Variants in PHLDB2 observed in about 807,000 individuals in gnomAD.
PHLDB2 encodes the protein pleckstrin homology-like domain family B member 2.
In PHLDB2, 71 loss-of-function variants were observed where a neutral mutation model predicts 123.6. The observed-to-expected ratio is 0.57, with a 90% CI of 0.47 to 0.70. The LOEUF is 0.70. Ranked by LOEUF, PHLDB2 falls within the 30% of genes least tolerant of loss-of-function variation. PHLDB2 has a pLI of 0.00. For missense variants in PHLDB2, 1,446 were observed against 1,519.5 expected, an observed-to-expected ratio of 0.95 and a Z score of 0.80; for synonymous variants, 547 against 541.6, an observed-to-expected ratio of 1.01 and a Z score of -0.14.
intron 1 of PHLDB2, among the ~76,000 whole-genome samples, chr3:111,758,511 C>G (rs961046108): frequency 6.6e-6 from 1 of 152,182 alleles, no homozygotes; most frequent in African/African-American, 2.4e-5. Flanking sequence ...ATCTGTCACC[C>G]CTTTCTTTGA....
chr3:111,797,435 A>G (rs1276584739), intron 1 of PHLDB2, among the ~76,000 whole-genome samples: 1 of 152,256 alleles, frequency 6.6e-6, no homozygotes, highest in Admixed American at 6.5e-5. Flanking sequence ...CAGACACTGA[A>G]TAACTAGAGG....
chr3:111,902,075 A>G (rs546761456), intron 2 of PHLDB2, among the ~76,000 whole-genome samples: 2 of 152,272 alleles, frequency 1.3e-5, no homozygotes, highest in East Asian at 1.9e-4. Flanking sequence ...TAACCCACCC[A>G]TCTGCTGGTT....
Position 111,884,698 on chromosome 3 carries a change from A to T in PHLDB2, c.621A>T (p.Gln207His), listed in dbSNP as rs1438032087. 6.2e-7 allele frequency: 1 copy of T among 1,614,054 alleles called. No individual in the cohort carries two copies. The highest frequency in any genetic ancestry group is 8.5e-7 in the Non-Finnish European group (1 of 1,180,042). ...GAASMPSSPK[Q>H]ARKMSIQDSL... ...CAAGCATGCCTTCAAGCCCAAAGCA[A>T]GCCAGGAAAATGAGCATTCAGGACA... Residue 207 changes from glutamine (Q) to histidine (H), a missense_variant, in exon 2 of 18, where the codon CAA (glutamine) becomes CAT (histidine). Around this residue, in one of 3 missense-constraint regions of PHLDB2, gnomAD observed 832 missense variants for 831.9 expected, o/e 1.00. Transcript: ENST00000431670.
rs751505308 is a variant in PHLDB2 at position 111,885,342 on chromosome 3, G to A, written c.1265G>A (p.Arg422His). Residue 422 changes from arginine to histidine, a missense_variant, in exon 2 of 18, where the codon CGT (arginine) becomes CAT (histidine). Arg to His is a conservative substitution (Grantham distance 29). Coordinates refer to ENST00000431670, the MANE Select transcript of PHLDB2 (RefSeq NM_001134438.2). ...AGCAGTATTAGCTCCATTTCAGGAC[G>A]TGATGACCTGATGGATTATCACCGG... is the stretch of plus-strand genomic sequence containing the variant. ...RKSSISSISGRDDLMDYHRRQ... is the reference protein window; with the variant it reads ...RKSSISSISGHDDLMDYHRRQ... 1.9e-5 allele frequency: 31 copies of A among 1,614,030 alleles called. No homozygotes were observed. Among genetic ancestry groups the A allele is most frequent in the Non-Finnish European group, 2.5e-5 (29 of 1,180,042 alleles).
intron 2 of PHLDB2, among the ~76,000 whole-genome samples, chr3:111,899,619 A>G (rs965615568): frequency 6.6e-6 from 1 of 152,170 alleles, no homozygotes; most frequent in African/African-American, 2.4e-5. Flanking sequence ...TATTTTTGGA[A>G]TGGTCAATGA....
At chr3:111,917,649 A>G (rs6438021) in intron 3 of PHLDB2, 53,625 of 152,118 alleles carry the variant, frequency 0.35, 10,089 homozygotes, top group East Asian at 0.7. Context: ...GACAATTAAA[A>G]AGCTAAATGT....
intron 2 of PHLDB2, among the ~76,000 whole-genome samples, chr3:111,912,379 CAAAT>C (rs1261610426): frequency 6.6e-6 from 1 of 152,038 alleles, no homozygotes; most frequent in Admixed American, 6.6e-5. Context: ...TGATTTTTAA[CAAAT>C]AAATTTTATT....
At chr3:111,835,835 T>G (rs769699021) in intron 1 of PHLDB2, among the ~76,000 whole-genome samples, 9 of 152,180 alleles carry the variant, frequency 5.9e-5, no homozygotes, top group Non-Finnish European at 8.8e-5. Flanking sequence ...ACTCAGGGCC[T>G]AGGTTCCAAG....
At chr3:111,844,780 T>C (rs2063872278) in intron 1 of PHLDB2, among the ~76,000 whole-genome samples, 1 of 152,218 alleles carries the variant, frequency 6.6e-6, no homozygotes, top group South Asian at 2.1e-4. Context: ...GATAACTCTC[T>C]AATTATTCCT....
chr3:111,911,541 C>A, intron 2 of PHLDB2: 3 of 1,299,116 alleles, frequency 2.3e-6, no homozygotes, highest in South Asian at 1.3e-5. Flanking sequence ...CCCTATAAAG[C>A]TGAGGTGGGC....
chr3:111,741,075 T>C (rs544903780), intron 1 of PHLDB2, among the ~76,000 whole-genome samples: 1 of 152,176 alleles, frequency 6.6e-6, no homozygotes, highest in Non-Finnish European at 1.5e-5. Flanking sequence ...GTGAGCACCA[T>C]TGCTTCTTGA....
chr3:111,736,386 A>G (rs2059508170), intron 1 of PHLDB2, among the ~76,000 whole-genome samples: 2 of 152,280 alleles, frequency 1.3e-5, no homozygotes, highest in South Asian at 4.1e-4. Flanking sequence ...ACTGTCCAGT[A>G]TGTCAATAGT....
intron 1 of PHLDB2, among the ~76,000 whole-genome samples, chr3:111,877,706 C>T (rs1186285559): frequency 1.8e-4 from 28 of 152,162 alleles, no homozygotes; most frequent in African/African-American, 5.8e-4. Context: ...TTAGGTCTTA[C>T]GTTTAAGTCT....
intron 1 of PHLDB2, among the ~76,000 whole-genome samples, chr3:111,773,817 T>C (rs2060220169): frequency 6.6e-6 from 1 of 152,234 alleles, no homozygotes; most frequent in South Asian, 2.1e-4. Context: ...CCAGGTCTTA[T>C]TGGATCTTTA....
intron 1 of PHLDB2, among the ~76,000 whole-genome samples, chr3:111,794,791 C>T (rs561022338): frequency 7.9e-5 from 12 of 152,296 alleles, no homozygotes; most frequent in African/African-American, 2.9e-4. Flanking sequence ...TTTGATCAAC[C>T]CTTGCCATTC....
chr3:111,745,193 T>C (rs898084986), intron 1 of PHLDB2, among the ~76,000 whole-genome samples: 5 of 152,206 alleles, frequency 3.3e-5, no homozygotes, highest in Admixed American at 2.0e-4. Flanking sequence ...CTTTTAGTGA[T>C]TACAATTATT....
Position 111,884,751 on chromosome 3 carries a change from G to A in PHLDB2, c.674G>A (p.Arg225Lys), listed in dbSNP as rs200941711. Reference sequence around the variant, plus strand: ...CTGGCGCTTCAACCCAAGTTAACTAGACACAAGGAGCTTGCATCTGAAAAC... The same window carrying A: ...CTGGCGCTTCAACCCAAGTTAACTAAACACAAGGAGCTTGCATCTGAAAAC... ...DSLALQPKLT[R>K]HKELASENIN... Residue 225 changes from arginine (R) to lysine (K), a missense_variant, in exon 2 of 18, where the codon AGA (arginine) becomes AAA (lysine). Arg to Lys is a conservative substitution (Grantham distance 26). Coordinates refer to ENST00000431670, the MANE Select transcript of PHLDB2 (RefSeq NM_001134438.2). 26 of 1,614,036 alleles carry A rather than the reference G, an allele frequency of 1.6e-5. No individual in the cohort carries two copies. The Middle Eastern group carries it at 3.3e-3, about 205-fold the overall frequency.
rs749163665 is a variant in PHLDB2 at position 111,969,893 on chromosome 3, A to C, written c.3519A>C (p.Thr1173=). Residue 1173 remains threonine, a synonymous_variant, in exon 16 of 18, where the codon ACA becomes ACC. Coordinates refer to ENST00000431670, the MANE Select transcript of PHLDB2 (RefSeq NM_001134438.2). ...TTGTTTTTGATCGGAACAAGCGAAC[A>C]TTCTCTTATTATGCAGGTGGGTGAT... ...RWFVFDRNKR[T]FSYYADKHET... 1 of 1,613,958 alleles carries C rather than the reference A, an allele frequency of 6.2e-7. No homozygotes were observed. Among genetic ancestry groups the C allele is most frequent in the Non-Finnish European group, 8.5e-7 (1 of 1,179,838 alleles).
At chr3:111,949,802 C>T (rs554002751) in intron 10 of PHLDB2, 32 of 985,716 alleles carry the variant, frequency 3.2e-5, no homozygotes, top group Non-Finnish European at 3.7e-5. Flanking sequence ...TTCATGGCTA[C>T]ATCTGTCGAT....
Sources: allele counts gnomAD v4.1 joint callset (sites outside exome capture counted in the v4.1 genomes callset), GRCh38; gene constraint gnomAD v4.1.1; regional missense constraint gnomAD v4.1.1; transcripts MANE v1.5; gene names NCBI Gene and HGNC (gene_info 2026-07-23, HGNC 2026-07-21).